Variants in DCAKD observed in about 807,000 individuals in gnomAD.
DCAKD encodes the protein dephospho-CoA kinase domain-containing protein.
A neutral mutation model predicts 18.7 loss-of-function variants in DCAKD; 15 were observed. The observed-to-expected ratio is 0.80, with a 90% CI of 0.54 to 1.24. The LOEUF is 1.24. Ranked by LOEUF, DCAKD falls within the 50% of genes most tolerant of loss-of-function variation. The pLI is 0.00. For synonymous variants in DCAKD, 130 were observed against 133.0 expected (o/e 0.98, Z 0.16); for missense variants, 301 against 322.0 (o/e 0.93, Z 0.50).
At chr17:45,057,091 G>A (rs1038472644) in intron 1 of DCAKD, among the ~76,000 whole-genome samples, 4 of 151,528 alleles carry the variant, frequency 2.6e-5, no homozygotes, top group Non-Finnish European at 5.9e-5. Flanking sequence ...ATATAGAGAC[G>A]GGGCCTTGCC....
At chr17:45,037,685 C>T (rs1217453234) in intron 1 of DCAKD, among the ~76,000 whole-genome samples, 1 of 151,476 alleles carries the variant, frequency 6.6e-6, no homozygotes, top group African/African-American at 2.4e-5. Context: ...GTCTCGAACT[C>T]CTGACCTCAG....
At chr17:45,052,477 G>A (rs1030971614), upstream of DCAKD, among the ~76,000 whole-genome samples, 4 of 152,110 alleles carry the variant, frequency 2.6e-5, no homozygotes, top group African/African-American at 9.7e-5. Flanking sequence ...TGATTGCAGA[G>A]CCCGCATCCT....
Position 45,034,227 on chromosome 17 carries a change from G to GCGAATCT in DCAKD, c.269_275dup (p.Lys93AspfsTer29), listed in dbSNP as rs1567835018. The GCGAATCT allele has an allele frequency of 3.7e-6, 6 of 1,614,078 alleles. No homozygotes were observed. Among genetic ancestry groups the GCGAATCT allele is most frequent in the South Asian group, 1.1e-5 (1 of 91,072 alleles). On this transcript the variant is annotated frameshift_variant, in exon 3 of 5. Coordinates refer to ENST00000651974, the MANE Select transcript of DCAKD (RefSeq NM_001288655.2). LOFTEE classifies it high-confidence loss of function. Reference sequence around the variant, plus strand: ...TGAACGTCTCCTTCATCATCTCCTTGCGAATCTCGGGGTGGGTGATGGCGT... The same window carrying GCGAATCT: ...TGAACGTCTCCTTCATCATCTCCTTGCGAATCTCGAATCTCGGGGTGGGTGATGGCGT...
chr17:45,024,614 G>A lies in DCAKD; in HGVS notation c.515C>T (p.Ala172Val), dbSNP rs753613646. Residue 172 changes from alanine (A) to valine (V), a missense_variant, in exon 5 of 5, where the codon GCC becomes GTC. Transcript: ENST00000651974. ...QLPLTDKARM[A>V]RHVLDNSGEW... ...GCCCGAGTTGTCTAGGACATGGCGG[G>A]CCATGCGGGCCTTGTCTGTCAGGGG... 2 of 1,613,934 alleles carry A rather than the reference G, an allele frequency of 1.2e-6. No individual in the cohort carries two copies. Among genetic ancestry groups the A allele is most frequent in the East Asian group, 2.2e-5 (1 of 44,896 alleles).
chr17:45,054,250 A>ATT (rs145150422), upstream of DCAKD: 3,654 of 422,482 alleles, frequency 8.6e-3, 18 homozygotes, highest in South Asian at 0.018. Context: ...AGACAGTTTT[A>ATT]TTTATTTTTT....
At chr17:45,059,026 G>T (rs1438192192) in intron 1 of DCAKD, among the ~76,000 whole-genome samples, 1 of 152,096 alleles carries the variant, frequency 6.6e-6, no homozygotes, top group Admixed American at 6.6e-5. Context: ...AGATCACGAG[G>T]TCAGGAGATC....
intron 1 of DCAKD, among the ~76,000 whole-genome samples, chr17:45,045,709 G>A (rs2053551034): frequency 7.0e-6 from 1 of 143,274 alleles, no homozygotes; most frequent in African/African-American, 2.6e-5. Context: ...TCCAGCCTGA[G>A]CAACAGAGCA....
intron 3 of DCAKD, 105 bp from the exon 4 acceptor site, chr17:45,030,284 C>A (rs2053149017): frequency 3.1e-6 from 3 of 974,606 alleles, no homozygotes; most frequent in Non-Finnish European, 1.6e-6. Context: ...GAGGGGCAGG[C>A]CTTCCAAGGA....
rs374657984 is a variant in DCAKD at position 45,024,479 on chromosome 17, G to C, written c.650C>G (p.Ala217Gly). ...FGVLTGLAAI[A>G]SLLYLLTHYL... ...GTGGGTGAGCAGGTAGAGGAGGCTGGCAATGGCAGCGAGCCCTGTGAGGAC... is the reference window on the plus strand; with the variant it reads ...GTGGGTGAGCAGGTAGAGGAGGCTGCCAATGGCAGCGAGCCCTGTGAGGAC... Residue 217 changes from alanine (A) to glycine (G), a missense_variant, in exon 5 of 5, where the codon GCC (alanine) becomes GGC (glycine). Physicochemically the swap from Ala to Gly is moderately conservative, Grantham distance 60. Transcript: ENST00000651974. The C allele has an allele frequency of 9.9e-6, 16 of 1,613,212 alleles. No homozygotes were observed. The highest frequency in any genetic ancestry group is 1.4e-5 in the Non-Finnish European group (16 of 1,179,232).
In DCAKD at chr17:45,035,014, C is replaced by T. The variant is rs2053262458; in HGVS notation, c.-114-15G>A. 7.9e-6 allele frequency: 7 copies of T among 884,740 alleles called. No homozygotes were observed. The South Asian group carries it at 1.1e-4, about 14-fold the overall frequency. The allele number at this position is 884,740 out of a possible 1,614,324, so 54.8% of individuals were successfully genotyped here. ...GCCAGAAGGACCTGCTTGGGAGAGG[C>T]CAGCGGGACTGATCAGTTTGGGCCA... On this transcript the variant is annotated splice_polypyrimidine_tract_variant and intron_variant, in intron 1 of 4. Transcript: ENST00000651974.
rs376793169 is a variant in DCAKD at position 45,028,898 on chromosome 17, T to C, written c.404+1194A>G. 2.5e-4 allele frequency among the ~76,000 whole-genome samples: 38 copies of C among 150,464 alleles called. 1 individual carries two copies. In the East Asian group the frequency reaches 2.5e-3, roughly 10 times the overall value. ...TTTTATATTTTTAGTAGAGATGGGG[T>C]TTCACCATGTTGGCCAGGCTGGTCT... On this transcript the variant is annotated intron_variant, in intron 4 of 4. Coordinates refer to ENST00000651974, the MANE Select transcript of DCAKD (RefSeq NM_001288655.2).
At chr17:45,054,828 T>C (rs1315497574), upstream of DCAKD, among the ~76,000 whole-genome samples, 1 of 152,200 alleles carries the variant, frequency 6.6e-6, no homozygotes, top group Non-Finnish European at 1.5e-5. Context: ...AGGCCTGGCC[T>C]GTCCCCCCAA....
At chr17:45,055,754 C>A (rs1037527933), upstream of DCAKD, among the ~76,000 whole-genome samples, 3 of 152,178 alleles carry the variant, frequency 2.0e-5, no homozygotes, top group Non-Finnish European at 2.9e-5. Flanking sequence ...CTGTTCTACC[C>A]CTGACTCTCC....
At chr17:45,047,504 C>CTTTTT (rs916286343) in intron 1 of DCAKD, among the ~76,000 whole-genome samples, 2 of 124,534 alleles carry the variant, frequency 1.6e-5, no homozygotes, top group African/African-American at 5.9e-5. Context: ...TGGCTAGTCT[C>CTTTTT]TTTTTTTTTT....
intron 1 of DCAKD, among the ~76,000 whole-genome samples, chr17:45,041,364 T>A (rs1242830712): frequency 6.7e-6 from 1 of 149,166 alleles, no homozygotes; most frequent in Non-Finnish European, 1.5e-5. Flanking sequence ...CAGGCTGGAG[T>A]GCAGTGGTGC....
upstream of DCAKD, among the ~76,000 whole-genome samples, chr17:45,053,023 C>T (rs191226601): frequency 4.4e-4 from 67 of 150,648 alleles, 1 homozygote; most frequent in South Asian, 2.3e-3. Flanking sequence ...ATTAGCCGGG[C>T]GTGGTGGTGA....
At chr17:45,056,828 C>G (rs1567855585) in intron 1 of DCAKD, among the ~76,000 whole-genome samples, 1 of 151,256 alleles carries the variant, frequency 6.6e-6, no homozygotes, top group Non-Finnish European at 1.5e-5. Context: ...AGTGCGGTGG[C>G]GTGATCTCCG....
At chr17:45,043,852 A>C (rs2053498399) in intron 1 of DCAKD, among the ~76,000 whole-genome samples, 1 of 151,828 alleles carries the variant, frequency 6.6e-6, no homozygotes, top group Non-Finnish European at 1.5e-5. Flanking sequence ...AAAGCCTCGG[A>C]ATCCTCCTGG....
At chr17:45,058,665 A>G (rs1164328346) in intron 1 of DCAKD, among the ~76,000 whole-genome samples, 15 of 147,842 alleles carry the variant, frequency 1.0e-4, no homozygotes, top group Admixed American at 7.4e-4. Context: ...CAGGTGATCC[A>G]CCCACCTCGG....
Sources: gnomAD v4.1 joint callset for allele counts (sites outside exome capture counted in the v4.1 genomes callset) on GRCh38, gnomAD v4.1.1 for gene constraint, MANE v1.5 for transcripts, NCBI Gene and HGNC (gene_info 2026-07-23, HGNC 2026-07-21) for gene names.